Variants in CNST observed in about 807,000 individuals in gnomAD.
CNST encodes the protein consortin.
A neutral mutation model predicts 72.4 loss-of-function variants in CNST; 39 were observed. That is an observed-to-expected ratio of 0.54 (90% CI 0.42 to 0.70). CNST has a LOEUF of 0.70. Among genes scored for constraint, CNST ranks in the 30% least tolerant of loss-of-function variants. The probability of loss-of-function intolerance (pLI) is 0.00; values close to 1 mark genes in which losing one functional copy is unlikely to be tolerated. For synonymous variants in CNST, 332 were observed against 320.1 expected (o/e 1.04, Z -0.40); for missense variants, 871 against 868.5 (o/e 1.00, Z -0.04).
chr1:246,589,886 T>C lies in CNST; in HGVS notation c.-51-1626T>C, dbSNP rs531893383. Among the ~76,000 whole-genome samples, 362 of 152,338 alleles carry C rather than the reference T, an allele frequency of 2.4e-3. 6 individuals are homozygous for C. The highest frequency in any genetic ancestry group is 4.1e-3 in the Non-Finnish European group (277 of 68,034). On this transcript the variant is annotated intron_variant, in intron 1 of 10. Coordinates refer to ENST00000366513, the MANE Select transcript of CNST (RefSeq NM_152609.3). ...GCCAGTGATGATGAGCATTTTTTCA[T>C]GTGTGTTTTGGCTGCATAAATGTCT...
intron 2 of CNST, among the ~76,000 whole-genome samples, chr1:246,605,696 T>C (rs1290648126): frequency 3.5e-5 from 5 of 144,504 alleles, no homozygotes; most frequent in African/African-American, 1.0e-4. Flanking sequence ...GTAGGTGTCT[T>C]CCGGCCGGGG....
intron 9 of CNST, among the ~76,000 whole-genome samples, chr1:246,659,394 A>ACACCTGTAATCCCAGCACTTTGGGAGG (rs1666949675): frequency 6.6e-6 from 1 of 152,148 alleles, no homozygotes; most frequent in Non-Finnish European, 1.5e-5. Flanking sequence ...GGAGATCGAG[A>ACACCTGTAATCCCAGCACTTTGGGAGG]CCATCCTGGC....
intron 3 of CNST, among the ~76,000 whole-genome samples, chr1:246,625,087 A>G (rs1327500380): frequency 6.6e-6 from 1 of 152,258 alleles, no homozygotes; most frequent in Non-Finnish European, 1.5e-5. Context: ...ACTCTCCTAC[A>G]TAACATACAA....
At chr1:246,643,134 C>G (rs1665832263) in intron 8 of CNST, among the ~76,000 whole-genome samples, 1 of 151,860 alleles carries the variant, frequency 6.6e-6, no homozygotes, top group Admixed American at 6.6e-5. Context: ...TCAAGCGATC[C>G]TCTCACCTCA....
At chr1:246,660,089 A>T (rs1667004778) in intron 9 of CNST, 110 bp from the exon 10 acceptor site, 1 of 799,320 alleles carries the variant, frequency 1.3e-6, no homozygotes, top group Non-Finnish European at 2.0e-6. Flanking sequence ...TAGGAATTGG[A>T]TACCCCTGTA....
At chr1:246,578,955 T>C (rs2103009183) in intron 1 of CNST, among the ~76,000 whole-genome samples, 1 of 152,354 alleles carries the variant, frequency 6.6e-6, no homozygotes, top group African/African-American at 2.4e-5. Flanking sequence ...GTGCTAATAA[T>C]AACTACCTAA....
intron 2 of CNST, among the ~76,000 whole-genome samples, chr1:246,611,295 T>A (rs549515131): frequency 1.3e-5 from 2 of 152,228 alleles, no homozygotes; most frequent in Non-Finnish European, 2.9e-5. Context: ...ATACCTTTGT[T>A]TTTCACAGTT....
At chr1:246,622,940 T>C (rs1039130671) in intron 3 of CNST, among the ~76,000 whole-genome samples, 31 of 152,166 alleles carry the variant, frequency 2.0e-4, no homozygotes, top group African/African-American at 7.0e-4. Context: ...TCTCCTGCCT[T>C]AGCCTCCTGA....
chr1:246,590,705 T>C (rs1439937381), intron 1 of CNST, among the ~76,000 whole-genome samples: 1 of 152,156 alleles, frequency 6.6e-6, no homozygotes, highest in Non-Finnish European at 1.5e-5. Context: ...TCTTAAAATG[T>C]AATACACTTG....
At chr1:246,567,418 C>T (rs936725027) in intron 1 of CNST, among the ~76,000 whole-genome samples, 1 of 151,638 alleles carries the variant, frequency 6.6e-6, no homozygotes, top group Non-Finnish European at 1.5e-5. Context: ...TTCCGTGTTT[C>T]AGGATCAAAC....
At chr1:246,609,105 G>A (rs934681298) in intron 2 of CNST, among the ~76,000 whole-genome samples, 39 of 152,236 alleles carry the variant, frequency 2.6e-4, no homozygotes, top group African/African-American at 9.1e-4. Context: ...CTCAGCACGT[G>A]GTAATTATGT....
chr1:246,587,432 G>A (rs905260188), intron 1 of CNST, among the ~76,000 whole-genome samples: 1 of 152,176 alleles, frequency 6.6e-6, no homozygotes, highest in African/African-American at 2.4e-5. Flanking sequence ...GTTTCCATGA[G>A]GATATATAGT....
intron 6 of CNST, among the ~76,000 whole-genome samples, chr1:246,634,982 T>G (rs1164776015): frequency 6.6e-6 from 1 of 152,126 alleles, no homozygotes; most frequent in African/African-American, 2.4e-5. Flanking sequence ...GGTGCGTGTC[T>G]TCCGGCCGGC....
intron 2 of CNST, chr1:246,605,763 G>A (rs1356165251): frequency 8.3e-6 from 1 of 119,868 alleles, no homozygotes; most frequent in Non-Finnish European, 1.8e-5. Flanking sequence ...TCTTCCGGCC[G>A]GGGTAGGTGT....
intron 1 of CNST, among the ~76,000 whole-genome samples, chr1:246,567,017 C>G (rs1659746195): frequency 6.6e-6 from 1 of 152,064 alleles, no homozygotes; most frequent in Non-Finnish European, 1.5e-5. Context: ...TCCCCACCCT[C>G]GTGGATGGTT....
At chr1:246,571,594 G>A (rs1204101386) in intron 1 of CNST, among the ~76,000 whole-genome samples, 1 of 152,186 alleles carries the variant, frequency 6.6e-6, no homozygotes, top group African/African-American at 2.4e-5. Context: ...AAGACAGTGT[G>A]TGCCTATGAA....
chr1:246,631,676 A>G (rs1664780445), intron 3 of CNST, among the ~76,000 whole-genome samples: 1 of 152,216 alleles, frequency 6.6e-6, no homozygotes, highest in African/African-American at 2.4e-5. Context: ...TGTAAACACC[A>G]AAGAACGTCT....
At position 246,666,981 on chromosome 1, in the gene CNST, G is replaced by T. The variant is rs527279299; in HGVS notation, c.*1076G>T. 10 of 152,176 alleles carry T rather than the reference G, an allele frequency of 6.6e-5. No individual in the cohort carries two copies. The highest frequency in any genetic ancestry group is 2.2e-4 in the African/African-American group (9 of 41,512). 9.4% of individuals were successfully genotyped at this position (152,176 alleles called of 1,614,324 possible). A position where few individuals can be genotyped will look rare whatever the true frequency, so the allele number is the denominator to read the frequency against. On this transcript the variant is annotated 3_prime_UTR_variant, in exon 11 of 11. Coordinates refer to ENST00000366513, the MANE Select transcript of CNST (RefSeq NM_152609.3). Reference sequence around the variant, plus strand: ...GGCTTGATTTAGATCCTATTGCGGGGTCATTACGCAAAAATTCAATCATAC... The same window carrying T: ...GGCTTGATTTAGATCCTATTGCGGGTTCATTACGCAAAAATTCAATCATAC...
chr1:246,613,298 A>G (rs1424512747), intron 2 of CNST, among the ~76,000 whole-genome samples: 1 of 152,172 alleles, frequency 6.6e-6, no homozygotes, highest in East Asian at 1.9e-4. Flanking sequence ...AATTTGCCGC[A>G]GAACAATTAT....
Sources: allele counts gnomAD v4.1 joint callset (sites outside exome capture counted in the v4.1 genomes callset), GRCh38; gene constraint gnomAD v4.1.1; transcripts MANE v1.5; gene names NCBI Gene and HGNC (gene_info 2026-07-23, HGNC 2026-07-21).